The following NDUFV1 variants were observed in gnomAD, a reference collection of about 807,000 sequenced individuals.
The protein encoded by NDUFV1 is NADH:ubiquinone oxidoreductase core subunit V1.
NDUFV1 carries 41 observed loss-of-function variants against 48.7 expected under a neutral mutation model. That is an observed-to-expected ratio of 0.84 (90% CI 0.66 to 1.09). The LOEUF (loss-of-function observed/expected upper bound fraction) is 1.09. NDUFV1 is among the 50% of genes least tolerant of loss of function. NDUFV1 has a pLI of 0.00. For missense variants in NDUFV1, 580 were observed against 645.4 expected (o/e 0.90, Z 1.10); for synonymous variants, 231 against 259.1 (o/e 0.89, Z 1.04).
In NDUFV1 at chr11:67,610,761, G is replaced by A. The variant is rs569918051; in HGVS notation, c.700+191G>A. ...CCCTCCTCCTGCCTCGGTCCCCTCC[G>A]CACCAGTGCTGCTCTGTGGCTCCAC... On this transcript the variant is annotated intron_variant, in intron 5 of 9. Transcript: ENST00000322776. The A allele has an allele frequency of 4.2e-4, 340 of 818,488 alleles. 2 individuals are homozygous for A. In the South Asian group the frequency reaches 5.2e-3, roughly 13 times the overall value. 50.7% of individuals were successfully genotyped at this position (818,488 alleles called of 1,614,324 possible).
At chr11:67,610,296 C>G in intron 4 of NDUFV1, 85 bp from the exon 5 acceptor site, 1 of 1,500,402 alleles carries the variant, frequency 6.7e-7, no homozygotes, top group Non-Finnish European at 9.3e-7. Flanking sequence ...CCGTGGGAGG[C>G]CTTCAAGGGC....
chr11:67,606,980 G>A lies in NDUFV1; in HGVS notation c.-25G>A. On this transcript the variant is annotated 5_prime_UTR_variant, in exon 1 of 10. An upstream open reading frame in the 5' UTR loses its in-frame stop. Coordinates refer to ENST00000322776, the MANE Select transcript of NDUFV1 (RefSeq NM_007103.4). ...CTCAGTGCTATGAAGGTGACAGCGT[G>A]AGGTGACCCATCTGGCCCGCCGCGA... 1 of 1,605,466 alleles carries A rather than the reference G, an allele frequency of 6.2e-7. No homozygotes were observed. Among genetic ancestry groups the A allele is most frequent in the South Asian group, 1.1e-5 (1 of 89,658 alleles).
intron 3 of NDUFV1, among the ~76,000 whole-genome samples, chr11:67,609,187 C>G (rs1036413507): frequency 6.6e-6 from 1 of 152,158 alleles, no homozygotes; most frequent in African/African-American, 2.4e-5. Context: ...ATCTGGCTCT[C>G]AGGGGCAGAC....
At chr11:67,610,187 T>C (rs1381580804) in intron 4 of NDUFV1, 194 bp from the exon 5 acceptor site, 1 of 618,348 alleles carries the variant, frequency 1.6e-6, no homozygotes, top group Non-Finnish European at 2.8e-6. Context: ...CTTACTTATG[T>C]GTTCCTTCTT....
rs1854843890 is a variant in NDUFV1 at position 67,608,094 on chromosome 11, G to T, written c.73-302G>T. The T allele has an allele frequency of 1.1e-5, 5 of 447,984 alleles. No individual in the cohort carries two copies. The Admixed American group carries it at 1.8e-4, about 16-fold the overall frequency. The allele number at this position is 447,984 out of a possible 1,614,324, so 27.8% of individuals were successfully genotyped here. A position where few individuals can be genotyped will look rare whatever the true frequency, so the allele number is the denominator to read the frequency against. ...GTGCAAAAATTACCCGGGCGTGGTGGTGAGTGCCTGTAATCCCAGCTATCC... is the reference window on the plus strand; with the variant it reads ...GTGCAAAAATTACCCGGGCGTGGTGTTGAGTGCCTGTAATCCCAGCTATCC... On this transcript the variant is annotated intron_variant, in intron 1 of 9. Coordinates refer to ENST00000322776, the MANE Select transcript of NDUFV1 (RefSeq NM_007103.4).
At position 67,612,056 on chromosome 11, in the gene NDUFV1, C is replaced by T. The variant is rs974350988; in HGVS notation, c.1163-64C>T. On this transcript the variant is annotated intron_variant, in intron 8 of 9. Coordinates refer to ENST00000322776, the MANE Select transcript of NDUFV1 (RefSeq NM_007103.4). This position sits in a 1 kb window ranked among gnomAD's most constrained non-coding sequence, Gnocchi z 4.4. ...TCCCCACCACGTGGCCTGCAGCCCTCAAGCGCCGCCCCACATCCTGGCTGG... is the reference window on the plus strand; with the variant it reads ...TCCCCACCACGTGGCCTGCAGCCCTTAAGCGCCGCCCCACATCCTGGCTGG... The T allele has an allele frequency of 6.2e-7, 1 of 1,613,432 alleles. No homozygotes were observed. Among genetic ancestry groups the T allele is most frequent in the African/African-American group, 1.3e-5 (1 of 74,798 alleles).
rs776633893 is a variant in NDUFV1, at chr11:67,609,581, C to T, written c.456C>T (p.Arg152=). ...CLVGGRAMGA[R]AAYIYIRGEF... is the part of the protein sequence containing the mutation. ...TGGGGGGCCGGGCCATGGGCGCCCG[C>T]GCTGCCTATATCTACATCCGAGGGG... The change falls in exon 4 of 10, where the codon CGC becomes CGT. Residue 152 remains arginine (R), a synonymous_variant. Transcript: ENST00000322776. 121 of 1,611,548 alleles carry T rather than the reference C, an allele frequency of 7.5e-5. 1 individual carries two copies. In the South Asian group the frequency reaches 1.1e-3, roughly 15 times the overall value.
rs1854889164 is a variant in NDUFV1, at chr11:67,610,391, G to A, written c.521G>A (p.Arg174Gln). Residue 174 changes from arginine to glutamine, a missense_variant, in exon 5 of 10, where the codon CGA becomes CAA. Physicochemically the swap from Arg to Gln is conservative, Grantham distance 43. Coordinates refer to ENST00000322776, the MANE Select transcript of NDUFV1 (RefSeq NM_007103.4). ...ACCTTTGTCCTGCAGGTGGCCATCC[G>A]AGAGGCCTATGAGGCAGGTCTGATT... ...NEASNLQVAI[R>Q]EAYEAGLIGK... 3 of 1,614,154 alleles carry A rather than the reference G, an allele frequency of 1.9e-6. No homozygotes were observed. Among genetic ancestry groups the A allele is most frequent in the Non-Finnish European group, 8.5e-7 (1 of 1,180,028 alleles).
In NDUFV1 at chr11:67,609,557, G is replaced by T. The variant is rs144087607; in HGVS notation, c.432G>T (p.Val144=). The part of the protein sequence containing the change: ...DPHKLLEGCL[V]GGRAMGARAA... ...ACAAGCTGCTGGAAGGCTGCCTGGT[G>T]GGGGGCCGGGCCATGGGCGCCCGCG... is the stretch of plus-strand genomic sequence containing the variant. Residue 144 remains valine (V), a synonymous_variant, in exon 4 of 10, where the codon GTG becomes GTT. Transcript: ENST00000322776. The T allele has an allele frequency of 4.5e-5, 73 of 1,612,824 alleles. No individual in the cohort carries two copies. The highest frequency in any genetic ancestry group is 2.2e-5 in the East Asian group (1 of 44,890).
At chr11:67,607,519 G>A (rs187138801) in intron 1 of NDUFV1, 1 of 461,030 alleles carries the variant, frequency 2.2e-6, no homozygotes, top group East Asian at 6.8e-5. Context: ...CTGGGTCGTG[G>A]GGCTCCTCAT....
intron 1 of NDUFV1, 192 bp downstream of exon 1, chr11:67,607,268 C>G (rs1461004750): frequency 1.4e-6 from 1 of 727,326 alleles, no homozygotes; most frequent in Non-Finnish European, 2.4e-6. Flanking sequence ...TCCCTTGACC[C>G]TCTGACTTGC....
At position 67,609,576 on chromosome 11, in the gene NDUFV1, G is replaced by GC. The variant is rs1854874533; in HGVS notation, c.454dup (p.Arg152ProfsTer14). On this transcript the variant is annotated frameshift_variant, in exon 4 of 10. Transcript: ENST00000322776. LOFTEE classifies it high-confidence loss of function. ...CCTGGTGGGGGGCCGGGCCATGGGC[G>GC]CCCGCGCTGCCTATATCTACATCCG... 6.2e-7 allele frequency: 1 copy of GC among 1,611,586 alleles called. No individual in the cohort carries two copies. Among genetic ancestry groups the GC allele is most frequent in the African/African-American group, 1.3e-5 (1 of 74,912 alleles).
intron 3 of NDUFV1, 83 bp from the exon 4 acceptor site, chr11:67,609,369 T>G: frequency 1.4e-6 from 2 of 1,446,892 alleles, no homozygotes; most frequent in South Asian, 1.2e-5. Flanking sequence ...CTTTGAGGCC[T>G]CCCTGGGTGG....
At chr11:67,607,664 G>C in intron 1 of NDUFV1, 1 of 355,662 alleles carries the variant, frequency 2.8e-6, no homozygotes, top group South Asian at 2.1e-5. Context: ...GGTCCAGCAG[G>C]GGAGCCAGGC....
rs1477982611 is a variant in NDUFV1 at position 67,607,009 on chromosome 11, T to A, written c.5T>A (p.Leu2Gln). 2.5e-6 allele frequency: 4 copies of A among 1,611,042 alleles called. No individual in the cohort carries two copies. In the Admixed American group the frequency reaches 6.7e-5, roughly 27 times the overall value. M[L>Q]ATRRLLGWSL... is the part of the protein sequence containing the mutation. ...TGACCCATCTGGCCCGCCGCGATGC[T>A]GGCAACACGGCGGCTGCTCGGCTGG... The change falls in exon 1 of 10, where the codon CTG becomes CAG. Residue 2 changes from leucine to glutamine, a missense_variant. Coordinates refer to ENST00000322776, the MANE Select transcript of NDUFV1 (RefSeq NM_007103.4).
Position 67,608,457 on chromosome 11 carries a change from T to G in NDUFV1, c.134T>G (p.Leu45Arg). 2 of 1,614,114 alleles carry G rather than the reference T, an allele frequency of 1.2e-6. No individual in the cohort carries two copies. Among genetic ancestry groups the G allele is most frequent in the Non-Finnish European group, 8.5e-7 (1 of 1,180,016 alleles). The change falls in exon 2 of 10, where the codon CTG becomes CGG. Residue 45 changes from leucine (L) to arginine (R), a missense_variant. Transcript: ENST00000322776. ...GATGAAGACCGGATTTTCACCAACC[T>G]GTACGGCCGCCATGACTGGAGGTGA... ...LKDEDRIFTNLYGRHDWRLKG... is the reference protein window; with the variant it reads ...LKDEDRIFTNRYGRHDWRLKG...
Position 67,611,313 on chromosome 11 carries a change from G to A in NDUFV1, c.914-90G>A. 2 of 1,594,158 alleles carry A rather than the reference G, an allele frequency of 1.3e-6. No individual in the cohort carries two copies. Among genetic ancestry groups the A allele is most frequent in the Non-Finnish European group, 8.6e-7 (1 of 1,167,550 alleles). On this transcript the variant is annotated intron_variant, in intron 6 of 9. Transcript: ENST00000322776. This position sits in a 1 kb window ranked among gnomAD's most constrained non-coding sequence, Gnocchi z 4.2. ...TCAGGAGACGGGGCTGGGTCTAGGG[G>A]CTGACTAAGGGCCTGGGCTCAGGAC... is the stretch of plus-strand genomic sequence containing the variant.
At chr11:67,607,875 T>C (rs1322186380) in intron 1 of NDUFV1, among the ~76,000 whole-genome samples, 4 of 152,256 alleles carry the variant, frequency 2.6e-5, no homozygotes, top group Admixed American at 2.0e-4. Flanking sequence ...AGAGTTCTTA[T>C]GAGGATGAAA....
chr11:67,609,443 C>T lies in NDUFV1; in HGVS notation c.327-9C>T, dbSNP rs773209451. The T allele has an allele frequency of 2.5e-6, 4 of 1,612,998 alleles. No individual in the cohort carries two copies. In the East Asian group the frequency reaches 6.7e-5, roughly 27 times the overall value. ...CCCTGTAGCCTGTCTGACCTGTGGG[C>T]CCCTGCAGGCCCAAGTATCTGGTGG... On this transcript the variant is annotated splice_polypyrimidine_tract_variant and intron_variant, in intron 3 of 9. Coordinates refer to ENST00000322776, the MANE Select transcript of NDUFV1 (RefSeq NM_007103.4).
Sources: gnomAD v4.1 joint callset for allele counts (sites outside exome capture counted in the v4.1 genomes callset) on GRCh38, gnomAD v4.1.1 for gene constraint, Gnocchi (gnomAD v3.1) non-coding constraint, MANE v1.5 for transcripts, NCBI Gene and HGNC (gene_info 2026-07-23, HGNC 2026-07-21) for gene names.